The following CUX2 variants were observed in gnomAD, a reference collection of about 807,000 sequenced individuals.
The protein encoded by CUX2 is cut like homeobox 2, also known as homeobox protein cut-like 2.
In CUX2, 40 loss-of-function variants were observed where a neutral mutation model predicts 144.8. The observed-to-expected ratio is 0.28, with a 90% confidence interval of 0.21 to 0.36. The LOEUF (loss-of-function observed/expected upper bound fraction) is 0.36. CUX2 is among the 10% of genes least tolerant of loss of function. The pLI is 1.00. For missense variants in CUX2, 1,615 were observed against 1,994.0 expected (o/e 0.81, Z 3.62); for synonymous variants, 827 against 875.6 (o/e 0.94, Z 0.98).
At chr12:111,228,209 A>G (rs1882269034) in intron 3 of CUX2, among the ~76,000 whole-genome samples, 1 of 152,192 alleles carries the variant, frequency 6.6e-6, no homozygotes, top group East Asian at 1.9e-4. Flanking sequence ...CCTCAAAGAT[A>G]GTATAGCACA....
chr12:111,083,656 C>T (rs1200061928), intron 1 of CUX2, among the ~76,000 whole-genome samples: 2 of 152,094 alleles, frequency 1.3e-5, no homozygotes, highest in African/African-American at 4.8e-5. Flanking sequence ...TGAGAACCTG[C>T]TGTGTCTCGG....
At chr12:111,301,174 GT>G (rs2136351192) in intron 9 of CUX2, among the ~76,000 whole-genome samples, 1 of 152,242 alleles carries the variant, frequency 6.6e-6, no homozygotes, top group Non-Finnish European at 1.5e-5. Flanking sequence ...AGTGTATTAG[GT>G]TTTTAATCTC....
intron 3 of CUX2, among the ~76,000 whole-genome samples, chr12:111,239,748 G>A (rs919355432): frequency 1.3e-5 from 2 of 151,830 alleles, no homozygotes; most frequent in Admixed American, 6.5e-5. Flanking sequence ...TCTACAATGA[G>A]TGGGGTGGGG....
In CUX2 at chr12:111,061,109, T is replaced by G. The variant is rs1204257264; in HGVS notation, c.63+26869T>G. ...AGGCCTCCCCTCATGGCTGTGGCCC[T>G]GCAGAGGCCAGCCGCTGATCAGTGA... is the stretch of plus-strand genomic sequence containing the variant. On this transcript the variant is annotated intron_variant, in intron 1 of 21. Transcript: ENST00000261726. The surrounding 1 kb of genome is among the most constrained non-coding windows in gnomAD (Gnocchi z 4.2). 6.6e-6 allele frequency among the ~76,000 whole-genome samples: 1 copy of G among 151,942 alleles called. No individual in the cohort carries two copies. Among genetic ancestry groups the G allele is most frequent in the Non-Finnish European group, 1.5e-5 (1 of 67,984 alleles).
intron 5 of CUX2, among the ~76,000 whole-genome samples, chr12:111,291,962 C>A (rs189748504): frequency 6.6e-6 from 1 of 152,268 alleles, no homozygotes; most frequent in African/African-American, 2.4e-5. Context: ...CTGGACATGA[C>A]GCAGGTGAGG....
intron 3 of CUX2, among the ~76,000 whole-genome samples, chr12:111,253,563 C>T (rs1883674170): frequency 6.6e-6 from 1 of 152,194 alleles, no homozygotes; most frequent in Non-Finnish European, 1.5e-5. Context: ...GTCCCACATT[C>T]TCTTTCATGA....
intron 9 of CUX2, among the ~76,000 whole-genome samples, chr12:111,302,816 C>T (rs1353556643): frequency 6.7e-6 from 1 of 149,944 alleles, no homozygotes. Flanking sequence ...AGGAGAATTG[C>T]TTGAACCCAG....
At position 111,304,349 on chromosome 12, in the gene CUX2, C is replaced by A; in HGVS notation, c.858+35C>A. The A allele has an allele frequency of 6.4e-7, 1 of 1,558,500 alleles. No individual in the cohort carries two copies. Among genetic ancestry groups the A allele is most frequent in the Non-Finnish European group, 8.8e-7 (1 of 1,134,126 alleles). On this transcript the variant is annotated intron_variant, in intron 10 of 21. Transcript: ENST00000261726. This position sits in a 1 kb window ranked among gnomAD's most constrained non-coding sequence, Gnocchi z 4.7. Reference sequence around the variant, plus strand: ...GGGTTGGGGAAGTGAGCAGGGAGGGCAGAGGGAAAGATCGGGAATGGCTGA... The same window carrying A: ...GGGTTGGGGAAGTGAGCAGGGAGGGAAGAGGGAAAGATCGGGAATGGCTGA...
chr12:111,252,958 G>A (rs764765087), intron 3 of CUX2, among the ~76,000 whole-genome samples: 5 of 151,962 alleles, frequency 3.3e-5, no homozygotes, highest in Middle Eastern at 3.4e-3. Flanking sequence ...GGAGTCATCC[G>A]TGGCCCCTCT....
rs964554630 is a variant in CUX2 at position 111,277,848 on chromosome 12, G to A, written c.302-13570G>A. On this transcript the variant is annotated intron_variant, in intron 4 of 21. Coordinates refer to ENST00000261726, the MANE Select transcript of CUX2 (RefSeq NM_015267.4). This position sits in a 1 kb window ranked among gnomAD's most constrained non-coding sequence, Gnocchi z 5.0. ...AGCTTAGAGGCTTAAAACAACACAC[G>A]TTTATGATCTCACCGTTCTGCAGAA... 6.6e-6 allele frequency among the ~76,000 whole-genome samples: 1 copy of A among 152,176 alleles called. No individual in the cohort carries two copies.
chr12:111,047,368 C>G (rs79027729), intron 1 of CUX2, among the ~76,000 whole-genome samples: 5,310 of 151,946 alleles, frequency 0.035, 326 homozygotes, highest in African/African-American at 0.12. Context: ...TTTTTAAAGC[C>G]AAGTCCAGCC....
At chr12:111,084,627 G>A (rs535667408) in intron 1 of CUX2, among the ~76,000 whole-genome samples, 26 of 152,128 alleles carry the variant, frequency 1.7e-4, no homozygotes, top group Non-Finnish European at 2.9e-4. Flanking sequence ...ATATTTCTGC[G>A]AACTTGATTA....
In CUX2 at chr12:111,320,799, T is replaced by G; in HGVS notation, c.2766+24T>G. 1 of 1,478,300 alleles carries G rather than the reference T, an allele frequency of 6.8e-7. No individual in the cohort carries two copies. The highest frequency in any genetic ancestry group is 8.9e-7 in the Non-Finnish European group (1 of 1,117,848). The allele number at this position is 1,478,300 out of a possible 1,614,324, so 91.6% of individuals were successfully genotyped here. On this transcript the variant is annotated intron_variant, in intron 17 of 21. Transcript: ENST00000261726. The surrounding 1 kb of genome is among the most constrained non-coding windows in gnomAD (Gnocchi z 8.1). Reference sequence around the variant, plus strand: ...AGGTGAGTGCAGGGCGGGCCCCCGGTGTCTGGGCTCTGGGAGAAGATGTCG... The same window carrying G: ...AGGTGAGTGCAGGGCGGGCCCCCGGGGTCTGGGCTCTGGGAGAAGATGTCG...
chr12:111,327,472 T>A (rs1291752276), intron 18 of CUX2, among the ~76,000 whole-genome samples: 1 of 152,208 alleles, frequency 6.6e-6, no homozygotes, highest in Non-Finnish European at 1.5e-5. Flanking sequence ...TTTCTCCAGG[T>A]CCTTACCAAC....
intron 4 of CUX2, among the ~76,000 whole-genome samples, chr12:111,268,310 G>A (rs1884479704): frequency 6.7e-6 from 1 of 149,262 alleles, no homozygotes; most frequent in African/African-American, 2.5e-5. Context: ...CTGCAGCCTT[G>A]ACCTCCTGAG....
chr12:111,088,415 T>A (rs1318635908), intron 1 of CUX2, among the ~76,000 whole-genome samples: 1 of 151,870 alleles, frequency 6.6e-6, no homozygotes, highest in Non-Finnish European at 1.5e-5. Flanking sequence ...TTTCTGCATG[T>A]GAATCAGCAA....
intron 21 of CUX2, among the ~76,000 whole-genome samples, chr12:111,345,115 ATTTGCCATTTTTTAAAAAAATGGT>A (rs1233230457): frequency 1.1e-4 from 17 of 151,152 alleles, no homozygotes; most frequent in Non-Finnish European, 1.5e-4. Flanking sequence ...ATTTTAAAGG[ATTTGCCATTTTTTAAAAAAATGGT>A]TTTGCCATTA....
rs536959746 is a variant in CUX2 at position 111,190,635 on chromosome 12, T to C, written c.64-23565T>C. Among the ~76,000 whole-genome samples, 5 of 152,336 alleles carry C rather than the reference T, an allele frequency of 3.3e-5. No homozygotes were observed. Among genetic ancestry groups the C allele is most frequent in the South Asian group, 2.1e-4 (1 of 4,828 alleles). ...ACGCCTGGCATTTTTAGCTGATCAA[T>C]AGACCCTTTGTGGCCTAACAGAGAC... On this transcript the variant is annotated intron_variant, in intron 1 of 21. Transcript: ENST00000261726. This position sits in a 1 kb window ranked among gnomAD's most constrained non-coding sequence, Gnocchi z 4.0.
At chr12:111,110,421 T>C (rs1873869448) in intron 1 of CUX2, among the ~76,000 whole-genome samples, 1 of 152,138 alleles carries the variant, frequency 6.6e-6, no homozygotes, top group South Asian at 2.1e-4. Flanking sequence ...ACCAGACAAA[T>C]GCCATATAAT....
Sources: gnomAD v4.1 joint callset for allele counts (sites outside exome capture counted in the v4.1 genomes callset) on GRCh38, gnomAD v4.1.1 for gene constraint, Gnocchi (gnomAD v3.1) non-coding constraint, MANE v1.5 for transcripts, NCBI Gene and HGNC (gene_info 2026-07-23, HGNC 2026-07-21) for gene names.